RGS7: variants seen among roughly 807,000 people sequenced by gnomAD.
The protein encoded by RGS7 is regulator of G-protein signaling 7.
A neutral mutation model predicts 81.1 loss-of-function variants in RGS7; 27 were observed. The ratio of observed to expected loss-of-function variants is 0.33; its 90% confidence interval spans 0.25 to 0.46. The LOEUF (loss-of-function observed/expected upper bound fraction) is 0.46. RGS7 is among the 20% of genes least tolerant of loss of function. The pLI, the probability that RGS7 is intolerant of heterozygous loss-of-function variation, is 1.00. For missense variants in RGS7, 396 were observed against 607.4 expected (o/e 0.65, Z 3.66); for synonymous variants, 208 against 207.7 (o/e 1.00, Z -0.01).
At chr1:240,921,849 T>G (rs996661831) in intron 6 of RGS7, among the ~76,000 whole-genome samples, 9 of 152,108 alleles carry the variant, frequency 5.9e-5, no homozygotes, top group Admixed American at 5.2e-4. Flanking sequence ...GTGAATTCAA[T>G]GCAATCTCCA....
intron 2 of RGS7, among the ~76,000 whole-genome samples, chr1:241,329,367 A>G (rs1236621379): frequency 6.6e-6 from 1 of 152,216 alleles, no homozygotes; most frequent in Admixed American, 6.5e-5. Flanking sequence ...TGTCAATAAG[A>G]TCAGAACATG....
chr1:241,126,440 T>C (rs1319331864), intron 2 of RGS7, among the ~76,000 whole-genome samples: 1 of 152,168 alleles, frequency 6.6e-6, no homozygotes, highest in Non-Finnish European at 1.5e-5. Flanking sequence ...CAAGCCACAG[T>C]GCCTGGCCCC....
chr1:241,043,594 T>C (rs1223716479), intron 3 of RGS7, among the ~76,000 whole-genome samples: 2 of 147,022 alleles, frequency 1.4e-5, no homozygotes, highest in Middle Eastern at 3.6e-3. Flanking sequence ...TTATATTTTA[T>C]ATATTATAAT....
At chr1:241,185,135 C>G (rs893109161) in intron 2 of RGS7, among the ~76,000 whole-genome samples, 19 of 152,130 alleles carry the variant, frequency 1.2e-4, no homozygotes, top group African/African-American at 3.9e-4. Flanking sequence ...TAACATTAAA[C>G]TTTGAGAACC....
chr1:241,282,278 G>T (rs2078557315), intron 2 of RGS7, among the ~76,000 whole-genome samples: 1 of 152,122 alleles, frequency 6.6e-6, no homozygotes, highest in Non-Finnish European at 1.5e-5. Flanking sequence ...GTATTAATTT[G>T]CTTAGGATAA....
chr1:241,068,684 A>G (rs2062242600), intron 3 of RGS7, among the ~76,000 whole-genome samples: 1 of 152,044 alleles, frequency 6.6e-6, no homozygotes, highest in Admixed American at 6.6e-5. Context: ...TGGAAGACAG[A>G]GGGAAGCAGT....
intron 3 of RGS7, among the ~76,000 whole-genome samples, chr1:241,095,509 A>G (rs1241107019): frequency 4.6e-5 from 7 of 152,062 alleles, no homozygotes; most frequent in African/African-American, 9.7e-5. Context: ...TTAAAAATCA[A>G]CCAGGCATGG....
intron 2 of RGS7, among the ~76,000 whole-genome samples, chr1:241,257,782 C>T (rs953699583): frequency 6.6e-6 from 1 of 152,128 alleles, no homozygotes. Context: ...GAACCAGAGG[C>T]ACAGAGAACT....
At chr1:241,308,402 GC>G (rs1012732899) in intron 2 of RGS7, among the ~76,000 whole-genome samples, 1 of 152,172 alleles carries the variant, frequency 6.6e-6, no homozygotes, top group Non-Finnish European at 1.5e-5. Context: ...AAGCATGGGG[GC>G]AATTTTGTGT....
chr1:241,095,607 C>G (rs1021877036), intron 3 of RGS7, among the ~76,000 whole-genome samples: 4 of 152,082 alleles, frequency 2.6e-5, no homozygotes, highest in African/African-American at 7.2e-5. Context: ...ATGTTTGCAC[C>G]ACTGCACTCC....
chr1:240,930,361 C>G (rs577446639), intron 6 of RGS7, among the ~76,000 whole-genome samples: 1 of 151,796 alleles, frequency 6.6e-6, no homozygotes, highest in East Asian at 2.0e-4. Context: ...AAAAAGCACA[C>G]AGCTAAGTGG....
At chr1:240,817,233 A>C (rs1050655138) in intron 10 of RGS7, among the ~76,000 whole-genome samples, 1 of 152,194 alleles carries the variant, frequency 6.6e-6, no homozygotes, top group African/African-American at 2.4e-5. Context: ...TTCTTCTTGG[A>C]TATCAAAGTA....
chr1:241,298,026 T>A (rs1304145303), intron 2 of RGS7, among the ~76,000 whole-genome samples: 1 of 152,158 alleles, frequency 6.6e-6, no homozygotes, highest in Non-Finnish European at 1.5e-5. Flanking sequence ...ATACTTTTTT[T>A]AAAAGTCAGT....
chr1:240,827,254 C>T, intron 9 of RGS7, 82 bp from the exon 10 acceptor site: 2 of 1,119,552 alleles, frequency 1.8e-6, no homozygotes, highest in African/African-American at 1.5e-5. Flanking sequence ...GCTCGCTCTC[C>T]AGAGCCCGAG....
rs1168645241 is a variant in RGS7 at position 241,237,438 on chromosome 1, C to G, written c.78+118261G>C. Among the ~76,000 whole-genome samples, 3 of 152,084 alleles carry G rather than the reference C, an allele frequency of 2.0e-5. No homozygotes were observed. In the East Asian group the frequency reaches 5.8e-4, roughly 29 times the overall value. On this transcript the variant is annotated intron_variant, in intron 2 of 18. Coordinates refer to ENST00000440928, the MANE Select transcript of RGS7 (RefSeq NM_001364886.1). Reference sequence around the variant, plus strand: ...AGCAGTGAGTTATTTCAAACTCCAGCTATGGGGCCAGAAACTCCTTAGGAG... The same window carrying G: ...AGCAGTGAGTTATTTCAAACTCCAGGTATGGGGCCAGAAACTCCTTAGGAG...
chr1:240,806,094 A>G (rs1350141203), intron 15 of RGS7, 46 bp downstream of exon 15: 1 of 1,551,418 alleles, frequency 6.4e-7, no homozygotes, highest in Non-Finnish European at 8.9e-7. Context: ...CTAACGCTCA[A>G]CTTCTCGGAA....
intron 2 of RGS7, among the ~76,000 whole-genome samples, chr1:241,268,061 G>A (rs1489309768): frequency 1.3e-5 from 2 of 152,172 alleles, no homozygotes; most frequent in Non-Finnish European, 2.9e-5. Flanking sequence ...GAGCACACTA[G>A]GGGTCTTGCT....
intron 2 of RGS7, among the ~76,000 whole-genome samples, chr1:241,171,786 CCAG>C (rs1183092251): frequency 6.6e-6 from 1 of 152,156 alleles, no homozygotes; most frequent in Non-Finnish European, 1.5e-5. Context: ...CCTCACATAA[CCAG>C]ATACTTTAAA....
At chr1:241,317,376 A>G (rs184914183) in intron 2 of RGS7, among the ~76,000 whole-genome samples, 9 of 152,362 alleles carry the variant, frequency 5.9e-5, no homozygotes, top group African/African-American at 2.2e-4. Context: ...GTGAAATACT[A>G]CAAGCCAGCT....
Sources: allele counts gnomAD v4.1 joint callset (sites outside exome capture counted in the v4.1 genomes callset), GRCh38; gene constraint gnomAD v4.1.1; transcripts MANE v1.5; gene names NCBI Gene and HGNC (gene_info 2026-07-23, HGNC 2026-07-21).